Variants in HEYL observed in about 807,000 individuals in gnomAD.
HEYL encodes hairy/enhancer-of-split related with YRPW motif-like protein.
A neutral mutation model predicts 18.6 loss-of-function variants in HEYL; 12 were observed. That is an observed-to-expected ratio of 0.65 (90% CI 0.41 to 1.05). HEYL has a LOEUF of 1.05. Ranked by LOEUF, HEYL falls within the 50% of genes least tolerant of loss-of-function variation. The probability of loss-of-function intolerance (pLI) is 0.00; values close to 1 mark genes in which losing one functional copy is unlikely to be tolerated. For synonymous variants in HEYL, 159 were observed against 179.6 expected (o/e 0.89, Z 0.91); for missense variants, 420 against 444.7 (o/e 0.94, Z 0.50).
chr1:39,626,848 C>T lies in HEYL; in HGVS notation c.646G>A (p.Ala216Thr). Residue 216 changes from alanine (A) to threonine (T), a missense_variant, in exon 5 of 5, where the codon GCC becomes ACC. Coordinates refer to ENST00000372852, the MANE Select transcript of HEYL (RefSeq NM_014571.4). ...GVSSPAYPIP[A>T]LRTAPLRRAT... ...CTGCGAAGGGGAGCGGTTCGGAGGG[C>T]TGGGATGGGGTAAGCAGGAGAGGAG... 1 of 1,582,128 alleles carries T rather than the reference C, an allele frequency of 6.3e-7. No homozygotes were observed. Among genetic ancestry groups the T allele is most frequent in the Non-Finnish European group, 8.6e-7 (1 of 1,163,782 alleles).
At chr1:39,633,148 C>A (rs902478476) in intron 1 of HEYL, 6 of 980,614 alleles carry the variant, frequency 6.1e-6, no homozygotes, top group South Asian at 4.7e-5. Context: ...ACGGGCCGGG[C>A]GCGCCGGCCG....
chr1:39,632,585 C>A, intron 2 of HEYL, 64 bp downstream of exon 2: 1 of 1,447,116 alleles, frequency 6.9e-7, no homozygotes, highest in Non-Finnish European at 9.5e-7. Context: ...TCCCCGCCGC[C>A]AGACTGCAGG....
chr1:39,630,244 T>C lies in HEYL; in HGVS notation c.296A>G (p.His99Arg). 6 of 1,614,030 alleles carry C rather than the reference T, an allele frequency of 3.7e-6. No homozygotes were observed. Among genetic ancestry groups the C allele is most frequent in the African/African-American group, 2.7e-5 (2 of 75,024 alleles). ...QMTVDHLKML[H>R]ATGGTGFFDA... ...ATGGGTACCTGTCCCACCAGTGGCA[T>C]GGAGCATTTTCAAGTGATCCACCGT... Residue 99 changes from histidine to arginine, a missense_variant, in exon 4 of 5, where the codon CAT (histidine) becomes CGT (arginine). Physicochemically the swap from His to Arg is conservative, Grantham distance 29 (BLOSUM62 0). Coordinates refer to ENST00000372852, the MANE Select transcript of HEYL (RefSeq NM_014571.4).
rs369111124 is a variant in HEYL at position 39,627,101 on chromosome 1, G to A, written c.393C>T (p.Tyr131=). 8.6e-5 allele frequency: 138 copies of A among 1,614,036 alleles called. No individual in the cohort carries two copies. The highest frequency in any genetic ancestry group is 1.1e-4 in the Non-Finnish European group (132 of 1,180,004). Residue 131 remains tyrosine (Y), a synonymous_variant, in exon 5 of 5, where the codon TAC becomes TAT. Coordinates refer to ENST00000372852, the MANE Select transcript of HEYL (RefSeq NM_014571.4). ...FRECLTEVIR[Y]LGVLEGPSSR... ...TGCTGGGCCCTTCAAGGACCCCCAG[G>A]TACCTGATGACCTCAGTGAGGCACT...
Position 39,624,202 on chromosome 1 carries a change from G to C in HEYL, c.*2305C>G, listed in dbSNP as rs1257635021. On this transcript the variant is annotated 3_prime_UTR_variant, in exon 5 of 5. Coordinates refer to ENST00000372852, the MANE Select transcript of HEYL (RefSeq NM_014571.4). ...TTATTGGATGTCCGCAACAACCCATGCAATGGGGTAGGAGTTGGAGACACC... is the reference window on the plus strand; with the variant it reads ...TTATTGGATGTCCGCAACAACCCATCCAATGGGGTAGGAGTTGGAGACACC... 5 of 152,242 alleles carry C rather than the reference G, an allele frequency of 3.3e-5. No individual in the cohort carries two copies. Among genetic ancestry groups the C allele is most frequent in the African/African-American group, 1.2e-4 (5 of 41,454 alleles). 9.4% of individuals were successfully genotyped at this position (152,242 alleles called of 1,614,324 possible). A position where few individuals can be genotyped will look rare whatever the true frequency, so the allele number is the denominator to read the frequency against.
chr1:39,627,192 G>A lies in HEYL; in HGVS notation c.314-12C>T. The stretch of plus-strand genomic sequence containing the variant: ...GGCATCAAAGAATCCTGCAAAGGGA[G>A]GCGTGATGAAGGTCATGCCAGGTGT... On this transcript the variant is annotated splice_polypyrimidine_tract_variant and intron_variant, in intron 4 of 4. Coordinates refer to ENST00000372852, the MANE Select transcript of HEYL (RefSeq NM_014571.4). 1 of 1,605,616 alleles carries A rather than the reference G, an allele frequency of 6.2e-7. No homozygotes were observed.
At chr1:39,627,719 T>G (rs1239414381) in intron 4 of HEYL, among the ~76,000 whole-genome samples, 2 of 152,240 alleles carry the variant, frequency 1.3e-5, no homozygotes, top group East Asian at 3.8e-4. Context: ...AGCTGCCTGA[T>G]TGTGGACAAG....
chr1:39,630,359 G>A (rs1355145635), intron 3 of HEYL, 51 bp from the exon 4 acceptor site: 1 of 1,406,970 alleles, frequency 7.1e-7, no homozygotes, highest in Non-Finnish European at 1.0e-6. Flanking sequence ...CCATGTAGCT[G>A]TGCGGTGTCA....
intron 1 of HEYL, among the ~76,000 whole-genome samples, chr1:39,637,181 G>C (rs778527363): frequency 1.3e-5 from 2 of 152,196 alleles, no homozygotes; most frequent in Non-Finnish European, 2.9e-5. Context: ...TGCAGAGGGA[G>C]AGGAGAGGCT....
In HEYL at chr1:39,625,447, A is replaced by G. The variant is rs11206478; in HGVS notation, c.*1060T>C. 0.12 allele frequency: 19,028 copies of G among 152,328 alleles called. 1,755 individuals are homozygous for G. The highest frequency in any genetic ancestry group is 0.26 in the African/African-American group (10,726 of 41,526). The allele number at this position is 152,328 out of a possible 1,614,324, so 9.4% of individuals were successfully genotyped here. On this transcript the variant is annotated 3_prime_UTR_variant, in exon 5 of 5. Transcript: ENST00000372852. ...GACCTTGAAGGGCCAAGGTGCCTCG[A>G]ATCATCCTTTCTCTTGCCCCTCCTT...
At chr1:39,632,860 G>A (rs1212210874) in intron 1 of HEYL, 145 bp from the exon 2 acceptor site, 2 of 1,502,100 alleles carry the variant, frequency 1.3e-6, no homozygotes, top group Admixed American at 2.3e-5. Context: ...ATTTCAACCC[G>A]GGTCAAGTCC....
intron 1 of HEYL, among the ~76,000 whole-genome samples, chr1:39,637,527 G>A (rs74861460): frequency 0.014 from 2,150 of 152,286 alleles, 52 homozygotes; most frequent in African/African-American, 0.047. Flanking sequence ...GGCCACAGCA[G>A]GCATCGTTCA....
Position 39,626,200 on chromosome 1 carries a change from G to A in HEYL, c.*307C>T. 3.3e-6 allele frequency: 1 copy of A among 306,864 alleles called. No homozygotes were observed. Among genetic ancestry groups the A allele is most frequent in the Non-Finnish European group, 6.0e-6 (1 of 167,124 alleles). The allele number at this position is 306,864 out of a possible 1,614,324, so 19.0% of individuals were successfully genotyped here. A position where few individuals can be genotyped will look rare whatever the true frequency, so the allele number is the denominator to read the frequency against. On this transcript the variant is annotated 3_prime_UTR_variant, in exon 5 of 5. Transcript: ENST00000372852. ...GACCCAAGGTTCATGCCTGCTGCTGGTGTGCAGAGGGCAGGAGAGGGGTCT... is the reference window on the plus strand; with the variant it reads ...GACCCAAGGTTCATGCCTGCTGCTGATGTGCAGAGGGCAGGAGAGGGGTCT...
chr1:39,629,535 C>T (rs1332328891), intron 4 of HEYL, among the ~76,000 whole-genome samples: 1 of 152,220 alleles, frequency 6.6e-6, no homozygotes, highest in East Asian at 1.9e-4. Context: ...TAAAATGCTA[C>T]TGTCCTCTTC....
chr1:39,626,153 T>A lies in HEYL; in HGVS notation c.*354A>T, dbSNP rs1006281696. Reference sequence around the variant, plus strand: ...CAGCCTGCCTTGGGTCCTGGTGCCCTGCAGGTTAAAGCTTTTTCCCAGACC... The same window carrying A: ...CAGCCTGCCTTGGGTCCTGGTGCCCAGCAGGTTAAAGCTTTTTCCCAGACC... On this transcript the variant is annotated 3_prime_UTR_variant, in exon 5 of 5. Coordinates refer to ENST00000372852, the MANE Select transcript of HEYL (RefSeq NM_014571.4). 1 of 209,484 alleles carries A rather than the reference T, an allele frequency of 4.8e-6. No homozygotes were observed. The highest frequency in any genetic ancestry group is 9.4e-6 in the Non-Finnish European group (1 of 106,162). 13.0% of individuals were successfully genotyped at this position (209,484 alleles called of 1,614,324 possible). A position where few individuals can be genotyped will look rare whatever the true frequency, so the allele number is the denominator to read the frequency against.
intron 3 of HEYL, 54 bp from the exon 4 acceptor site, chr1:39,630,362 CG>C: frequency 7.3e-7 from 1 of 1,367,486 alleles, no homozygotes; most frequent in Non-Finnish European, 1.0e-6. Flanking sequence ...TGTAGCTGTG[CG>C]GTGTCATCAG....
intron 1 of HEYL, chr1:39,633,509 G>A (rs1276880616): frequency 6.6e-6 from 1 of 152,298 alleles, no homozygotes; most frequent in African/African-American, 2.4e-5. Flanking sequence ...AGAATGGTGA[G>A]GATTCGCTGG....
rs1177058068 is a variant in HEYL at position 39,626,345 on chromosome 1, A to C, written c.*162T>G. 2 of 620,262 alleles carry C rather than the reference A, an allele frequency of 3.2e-6. No individual in the cohort carries two copies. Among genetic ancestry groups the C allele is most frequent in the African/African-American group, 1.9e-5 (1 of 53,454 alleles). 38.4% of individuals were successfully genotyped at this position (620,262 alleles called of 1,614,324 possible). A position where few individuals can be genotyped will look rare whatever the true frequency, so the allele number is the denominator to read the frequency against. ...TGGATAAGCTGGGATAACAGTGAGAAGGAGAGATGGGTTGGAGGAGGAGGG... is the reference window on the plus strand; with the variant it reads ...TGGATAAGCTGGGATAACAGTGAGACGGAGAGATGGGTTGGAGGAGGAGGG... On this transcript the variant is annotated 3_prime_UTR_variant, in exon 5 of 5. Coordinates refer to ENST00000372852, the MANE Select transcript of HEYL (RefSeq NM_014571.4).
chr1:39,626,594 T>G lies in HEYL; in HGVS notation c.900A>C (p.Ser300=). ...GCCTCCCAGCTGGCCCTGGGGAGGATGAGTTGGGGGTGGGAACAGCCACGT... is the reference window on the plus strand; with the variant it reads ...GCCTCCCAGCTGGCCCTGGGGAGGAGGAGTTGGGGGTGGGAACAGCCACGT... The part of the protein sequence containing the change: ...AAYVAVPTPN[S]SSPGPAGRPA... The change falls in exon 5 of 5, where the codon TCA becomes TCC. Residue 300 remains serine, a synonymous_variant. Coordinates refer to ENST00000372852, the MANE Select transcript of HEYL (RefSeq NM_014571.4). The G allele has an allele frequency of 6.4e-7, 1 of 1,553,036 alleles. No homozygotes were observed. The highest frequency in any genetic ancestry group is 1.2e-5 in the South Asian group (1 of 83,336).
Sources: allele counts gnomAD v4.1 joint callset (sites outside exome capture counted in the v4.1 genomes callset), GRCh38; gene constraint gnomAD v4.1.1; transcripts MANE v1.5; gene names NCBI Gene and HGNC (gene_info 2026-07-23, HGNC 2026-07-21).